RBFOX2: variants seen among roughly 807,000 people sequenced by gnomAD.
The protein encoded by RBFOX2 is RNA binding protein fox-1 homolog 2.
In RBFOX2, 10 loss-of-function variants were observed where a neutral mutation model predicts 49.1. The observed-to-expected ratio is 0.20, with a 90% confidence interval of 0.13 to 0.35. The LOEUF (loss-of-function observed/expected upper bound fraction) is 0.35, where lower values mean the gene tolerates loss of function less well. Among genes scored for constraint, RBFOX2 ranks in the 10% least tolerant of loss-of-function variants. RBFOX2 has a pLI of 1.00. For missense variants in RBFOX2, 323 were observed against 486.9 expected, an observed-to-expected ratio of 0.66 and a Z score of 3.17; for synonymous variants, 183 against 187.4, an observed-to-expected ratio of 0.98 and a Z score of 0.19.
intron 2 of RBFOX2, among the ~76,000 whole-genome samples, chr22:35,789,111 C>T (rs1415037301): frequency 6.6e-6 from 1 of 151,998 alleles, no homozygotes; most frequent in Admixed American, 6.6e-5. Flanking sequence ...TAATACCCAC[C>T]CCTCATCCCA....
intron 6 of RBFOX2, among the ~76,000 whole-genome samples, chr22:35,764,511 G>A (rs1166220036): frequency 3.3e-5 from 5 of 151,440 alleles, no homozygotes; most frequent in Non-Finnish European, 7.4e-5. Context: ...CGTGAACCTG[G>A]GAAGCAGAGC....
At chr22:35,992,266 G>A (rs2058014137) in intron 1 of RBFOX2, 1 of 152,048 alleles carries the variant, frequency 6.6e-6, no homozygotes, top group South Asian at 2.1e-4. Flanking sequence ...AATTAACTCT[G>A]CTTAGAGAGA....
At chr22:35,929,252 G>A (rs1488047646) in intron 1 of RBFOX2, among the ~76,000 whole-genome samples, 9 of 151,716 alleles carry the variant, frequency 5.9e-5, no homozygotes, top group Non-Finnish European at 1.0e-4. Flanking sequence ...CAAAGTGCTG[G>A]GATTACAGGC....
intron 1 of RBFOX2, among the ~76,000 whole-genome samples, chr22:35,874,804 A>C (rs1473764129): frequency 6.6e-6 from 1 of 152,190 alleles, no homozygotes; most frequent in African/African-American, 2.4e-5. Context: ...GTTATGGACC[A>C]AGTGTTTGTG....
Position 35,816,920 on chromosome 22 carries a change from A to G in RBFOX2, c.28-6916T>C, listed in dbSNP as rs142793017. 1.6e-4 allele frequency among the ~76,000 whole-genome samples: 24 copies of G among 152,316 alleles called. No homozygotes were observed. In the East Asian group the frequency reaches 3.3e-3, roughly 21 times the overall value. On this transcript the variant is annotated intron_variant, in intron 1 of 11. Coordinates refer to ENST00000405409, the Ensembl canonical transcript of RBFOX2. ...TTGTTCTTTGAAAGCAAAGATGACC[A>G]TATTTTATTGCGTATAACACCCATT...
intron 1 of RBFOX2, among the ~76,000 whole-genome samples, chr22:35,985,639 G>C (rs2057674266): frequency 6.6e-6 from 1 of 152,192 alleles, no homozygotes; most frequent in South Asian, 2.1e-4. Flanking sequence ...AAGGCCTATA[G>C]TTTGCAACCT....
chr22:35,882,504 T>C (rs1222883188), intron 1 of RBFOX2, among the ~76,000 whole-genome samples: 3 of 152,122 alleles, frequency 2.0e-5, no homozygotes, highest in Non-Finnish European at 4.4e-5. Flanking sequence ...GCTGGCAAAG[T>C]GAGGTCAAGA....
At chr22:35,845,035 C>T (rs747736668), upstream of RBFOX2, among the ~76,000 whole-genome samples, 30 of 152,058 alleles carry the variant, frequency 2.0e-4, no homozygotes, top group Middle Eastern at 6.3e-3. Context: ...AAAAGTGGAT[C>T]TAAGAGTCCC....
At position 35,798,985 on chromosome 22, in the gene RBFOX2, G is replaced by A. The variant is rs118024072; in HGVS notation, c.252+10795C>T. Among the ~76,000 whole-genome samples the A allele has an allele frequency of 2.1e-3, 315 of 152,232 alleles. 7 individuals carry two copies. In the East Asian group the frequency reaches 0.05, roughly 24 times the overall value. ...GTATTAACTCAGTATTTTTAATAGC[G>A]TATGTCTAACACCTTAGACCACCTA... On this transcript the variant is annotated intron_variant, in intron 2 of 11. Coordinates refer to ENST00000405409, the Ensembl canonical transcript of RBFOX2.
intron 1 of RBFOX2, among the ~76,000 whole-genome samples, chr22:35,910,095 A>AAT (rs1157276064): frequency 2.6e-5 from 4 of 152,172 alleles, no homozygotes; most frequent in Admixed American, 2.6e-4. Context: ...TTATACTTAA[A>AAT]ATGATTTAAC....
chr22:35,916,984 AAATT>A (rs1282527139), intron 1 of RBFOX2, among the ~76,000 whole-genome samples: 2 of 152,246 alleles, frequency 1.3e-5, no homozygotes, highest in Non-Finnish European at 2.9e-5. Flanking sequence ...CTGGTACTAT[AAATT>A]ATTATTAAGG....
At chr22:35,954,274 C>G (rs1032962243) in intron 1 of RBFOX2, among the ~76,000 whole-genome samples, 3 of 152,042 alleles carry the variant, frequency 2.0e-5, no homozygotes, top group Admixed American at 1.3e-4. Context: ...CAACACCTAC[C>G]TCAGGGAAGC....
chr22:35,980,642 T>TG (rs1556508576), intron 1 of RBFOX2, among the ~76,000 whole-genome samples: 6 of 28,570 alleles, frequency 2.1e-4, no homozygotes, highest in East Asian at 1.3e-3. Flanking sequence ...GGGGCGGGGG[T>TG]GGGGGGTGCT....
At chr22:35,802,668 G>C (rs1427217773) in intron 2 of RBFOX2, among the ~76,000 whole-genome samples, 1 of 152,172 alleles carries the variant, frequency 6.6e-6, no homozygotes, top group Non-Finnish European at 1.5e-5. Flanking sequence ...GGCCAACCTG[G>C]TGGGAACCTA....
At chr22:35,844,645 C>T (rs1158280662), upstream of RBFOX2, among the ~76,000 whole-genome samples, 2 of 151,598 alleles carry the variant, frequency 1.3e-5, no homozygotes, top group Middle Eastern at 3.2e-3. Flanking sequence ...CAGGCACACA[C>T]CACCATGCCC....
intron 5 of RBFOX2, among the ~76,000 whole-genome samples, chr22:35,767,134 G>T (rs1286275945): frequency 6.6e-6 from 1 of 151,976 alleles, no homozygotes; most frequent in Non-Finnish European, 1.5e-5. Context: ...TCACCATGAA[G>T]TCAGTAATCA....
At chr22:35,986,765 TCAA>T (rs1162517738) in intron 1 of RBFOX2, among the ~76,000 whole-genome samples, 3 of 152,214 alleles carry the variant, frequency 2.0e-5, no homozygotes, top group African/African-American at 7.2e-5. Flanking sequence ...AAGAAAGTTA[TCAA>T]CATTAACTAT....
intron 1 of RBFOX2, among the ~76,000 whole-genome samples, chr22:35,905,743 G>C (rs1603444832): frequency 6.6e-6 from 1 of 152,252 alleles, no homozygotes; most frequent in South Asian, 2.1e-4. Context: ...AGCCTTGGGG[G>C]AGGGGGATGA....
chr22:35,813,840 A>G (rs1471949927), intron 1 of RBFOX2, among the ~76,000 whole-genome samples: 2 of 152,242 alleles, frequency 1.3e-5, no homozygotes, highest in African/African-American at 4.8e-5. Context: ...AGAGCATAAC[A>G]AGGGATAACA....
Sources: gnomAD v4.1 joint callset for allele counts (sites outside exome capture counted in the v4.1 genomes callset) on GRCh38, gnomAD v4.1.1 for gene constraint, MANE v1.5 for transcripts, NCBI Gene and HGNC (gene_info 2026-07-23, HGNC 2026-07-21) for gene names.